The following ZBTB7C variants were observed in gnomAD, a reference collection of about 807,000 sequenced individuals.
ZBTB7C encodes zinc finger and BTB domain containing 7C.
In ZBTB7C, 8 loss-of-function variants were observed where a neutral mutation model predicts 25.7. That is an observed-to-expected ratio of 0.31 (90% CI 0.18 to 0.56). The LOEUF is 0.56. ZBTB7C is among the 20% of genes least tolerant of loss of function. The pLI is 0.91. For missense variants in ZBTB7C, 824 were observed against 855.2 expected (o/e 0.96, Z 0.46); for synonymous variants, 394 against 369.0 (o/e 1.07, Z -0.78).
intron 1 of ZBTB7C, among the ~76,000 whole-genome samples, chr18:48,347,531 C>T (rs1216553966): frequency 6.6e-6 from 1 of 152,004 alleles, no homozygotes; most frequent in African/African-American, 2.4e-5. Context: ...CTCCTCTCCC[C>T]GTCAAGCAGC....
intron 2 of ZBTB7C, among the ~76,000 whole-genome samples, chr18:48,240,300 G>C (rs2043489533): frequency 6.6e-6 from 1 of 152,166 alleles, no homozygotes; most frequent in South Asian, 2.1e-4. Flanking sequence ...GAATAATCAA[G>C]TAAAACATTC....
chr18:48,361,792 G>C (rs1293735957), intron 1 of ZBTB7C, among the ~76,000 whole-genome samples: 1 of 152,248 alleles, frequency 6.6e-6, no homozygotes, highest in African/African-American at 2.4e-5. Flanking sequence ...AGAGGACTCA[G>C]AAGCCCGAGG....
intron 2 of ZBTB7C, among the ~76,000 whole-genome samples, chr18:48,237,305 A>G (rs2043405785): frequency 6.6e-6 from 1 of 152,138 alleles, no homozygotes; most frequent in African/African-American, 2.4e-5. Flanking sequence ...TAAGGGCCCC[A>G]TCAAGGAAGA....
At chr18:48,079,755 TTCTGCCA>T in intron 3 of ZBTB7C, among the ~76,000 whole-genome samples, 1 of 152,230 alleles carries the variant, frequency 6.6e-6, no homozygotes, top group Non-Finnish European at 1.5e-5. Flanking sequence ...GCTCTTGCAG[TTCTGCCA>T]TTCCACTTCG....
chr18:48,219,199 C>G (rs894117862), intron 2 of ZBTB7C, among the ~76,000 whole-genome samples: 1 of 152,148 alleles, frequency 6.6e-6, no homozygotes. Context: ...CCCATGGCAG[C>G]AGAAGTATAT....
intron 3 of ZBTB7C, chr18:48,149,094 T>C (rs1033184807): frequency 6.6e-6 from 1 of 151,858 alleles, no homozygotes; most frequent in Admixed American, 6.6e-5. Flanking sequence ...GGAGGAAGGG[T>C]AGTAACAGGG....
intron 3 of ZBTB7C, among the ~76,000 whole-genome samples, chr18:48,084,984 A>T (rs2038140527): frequency 1.3e-5 from 2 of 152,162 alleles, no homozygotes. Context: ...CCTTTGGGGC[A>T]AGCCAAACCT....
intron 2 of ZBTB7C, among the ~76,000 whole-genome samples, chr18:48,271,203 C>T (rs1043492091): frequency 6.6e-6 from 1 of 152,060 alleles, no homozygotes; most frequent in Non-Finnish European, 1.5e-5. Flanking sequence ...CAAACTGTCT[C>T]AGAGAATAGA....
At chr18:48,392,321 G>A (rs1276360172) in intron 1 of ZBTB7C, among the ~76,000 whole-genome samples, 3 of 151,574 alleles carry the variant, frequency 2.0e-5, no homozygotes, top group Non-Finnish European at 1.5e-5. Context: ...CTCTTTTTTT[G>A]TCCCAAAATA....
chr18:48,060,634 T>C (rs1000669056), intron 3 of ZBTB7C, among the ~76,000 whole-genome samples: 4 of 152,116 alleles, frequency 2.6e-5, no homozygotes, highest in Admixed American at 6.5e-5. Context: ...CCCACCTTCA[T>C]TGGGTGAACT....
At chr18:48,374,191 A>G (rs557967774) in intron 1 of ZBTB7C, 123 of 152,428 alleles carry the variant, frequency 8.1e-4, no homozygotes, top group African/African-American at 2.8e-3. Context: ...ATTTCTTTAT[A>G]GCAATGTAAG....
chr18:48,251,603 A>G (rs913897945), intron 2 of ZBTB7C, among the ~76,000 whole-genome samples: 1 of 152,232 alleles, frequency 6.6e-6, no homozygotes, highest in Non-Finnish European at 1.5e-5. Context: ...CATGTTCAAC[A>G]TGGCGGCTCC....
chr18:48,292,687 C>G (rs752962031), intron 2 of ZBTB7C, among the ~76,000 whole-genome samples: 2 of 152,194 alleles, frequency 1.3e-5, no homozygotes, highest in Admixed American at 6.5e-5. Context: ...AAGCTTTAAA[C>G]TGGGCTAGAC....
chr18:48,288,555 C>T (rs1355885311), intron 2 of ZBTB7C, among the ~76,000 whole-genome samples: 1 of 151,454 alleles, frequency 6.6e-6, no homozygotes, highest in Admixed American at 6.6e-5. Flanking sequence ...ACTTGGGAGG[C>T]TGAGGCAGGA....
chr18:48,358,154 C>G (rs1032300936), intron 1 of ZBTB7C, among the ~76,000 whole-genome samples: 1 of 152,158 alleles, frequency 6.6e-6, no homozygotes, highest in Admixed American at 6.5e-5. Flanking sequence ...AGTTCGAGAA[C>G]AGCCTGGCCA....
At chr18:48,043,232 T>C (rs2036330329) in intron 3 of ZBTB7C, among the ~76,000 whole-genome samples, 1 of 152,224 alleles carries the variant, frequency 6.6e-6, no homozygotes, top group African/African-American at 2.4e-5. Context: ...AATTGAATTC[T>C]TGAGCATCTA....
At chr18:48,192,636 CT>C (rs1481691385) in intron 2 of ZBTB7C, among the ~76,000 whole-genome samples, 1 of 152,078 alleles carries the variant, frequency 6.6e-6, no homozygotes, top group African/African-American at 2.4e-5. Flanking sequence ...TAATTTTTGT[CT>C]TTTTAGTAGA....
chr18:48,388,315 A>ATT (rs138959140), intron 1 of ZBTB7C, among the ~76,000 whole-genome samples: 12 of 149,806 alleles, frequency 8.0e-5, no homozygotes, highest in African/African-American at 2.9e-4. Flanking sequence ...TCTATCTTGC[A>ATT]TTTTTTTTTC....
At chr18:48,320,299 G>A (rs1399394984) in intron 2 of ZBTB7C, among the ~76,000 whole-genome samples, 1 of 152,216 alleles carries the variant, frequency 6.6e-6, no homozygotes, top group African/African-American at 2.4e-5. Flanking sequence ...TGGGTAGGTG[G>A]GAAGATGGAA....
Sources: gnomAD v4.1 joint callset for allele counts (sites outside exome capture counted in the v4.1 genomes callset) on GRCh38, gnomAD v4.1.1 for gene constraint, MANE v1.5 for transcripts, NCBI Gene and HGNC (gene_info 2026-07-23, HGNC 2026-07-21) for gene names.